NRXN1: variants seen among roughly 807,000 people sequenced by gnomAD.
NRXN1 encodes the protein neurexin-1.
A neutral mutation model predicts 150.9 loss-of-function variants in NRXN1; 39 were observed. That is an observed-to-expected ratio of 0.26 (90% CI 0.20 to 0.34). NRXN1 has a LOEUF of 0.34. Among genes scored for constraint, NRXN1 ranks in the 10% least tolerant of loss-of-function variants. NRXN1 has a pLI of 1.00. For missense variants in NRXN1, 1,815 were observed against 1,949.9 expected, an observed-to-expected ratio of 0.93 and a Z score of 1.30; for synonymous variants, 924 against 757.0, an observed-to-expected ratio of 1.22 and a Z score of -3.62.
At chr2:50,903,828 A>G (rs548663508) in intron 5 of NRXN1, among the ~76,000 whole-genome samples, 1 of 152,330 alleles carries the variant, frequency 6.6e-6, no homozygotes, top group East Asian at 1.9e-4. Flanking sequence ...TACTCATTTG[A>G]AATAATGAGA....
intron 17 of NRXN1, among the ~76,000 whole-genome samples, chr2:50,290,846 A>C (rs2072830501): frequency 6.6e-6 from 1 of 152,168 alleles, no homozygotes; most frequent in African/African-American, 2.4e-5. Context: ...TCTAGAAGGC[A>C]CTCTGCTGCA....
At chr2:50,096,278 C>T (rs1487768037) in intron 18 of NRXN1, among the ~76,000 whole-genome samples, 1 of 152,022 alleles carries the variant, frequency 6.6e-6, no homozygotes, top group Non-Finnish European at 1.5e-5. Context: ...ACATAAAGCA[C>T]AAAATACTAA....
intron 17 of NRXN1, among the ~76,000 whole-genome samples, chr2:50,308,624 G>GA (rs1203747906): frequency 1.3e-5 from 2 of 152,136 alleles, no homozygotes; most frequent in African/African-American, 4.8e-5. Flanking sequence ...AAGTCTTCAG[G>GA]AGTACAGGCT....
chr2:50,821,998 T>C (rs907298914), intron 5 of NRXN1, among the ~76,000 whole-genome samples: 1 of 152,150 alleles, frequency 6.6e-6, no homozygotes, highest in Admixed American at 6.6e-5. Context: ...CCAAATGTTT[T>C]GATAGGAAAA....
chr2:50,860,691 CCATTCATTCTA>C (rs1676001568), intron 5 of NRXN1, among the ~76,000 whole-genome samples: 1 of 152,030 alleles, frequency 6.6e-6, no homozygotes, highest in Non-Finnish European at 1.5e-5. Context: ...AGTCATGCAT[CCATTCATTCTA>C]CATTCACTGC....
rs776652096 is a variant in NRXN1 at position 50,497,719 on chromosome 2, A to C, written c.2498-5T>G. The stretch of plus-strand genomic sequence containing the variant: ...TATGATCACCTGCCATTTGACCTAA[A>C]AGAGAAGATAATATATGATTATTTT... On this transcript the variant is annotated splice_region_variant and splice_polypyrimidine_tract_variant and intron_variant, in intron 13 of 22. Transcript: ENST00000401669. 4.4e-6 allele frequency: 7 copies of C among 1,600,114 alleles called. No individual in the cohort carries two copies. The highest frequency in any genetic ancestry group is 6.0e-6 in the Non-Finnish European group (7 of 1,172,110).
chr2:50,415,832 T>TA (rs148020644), intron 17 of NRXN1, among the ~76,000 whole-genome samples: 3,833 of 147,470 alleles, frequency 0.026, 146 homozygotes, highest in African/African-American at 0.085. Context: ...TAAATTACAT[T>TA]AAAAAAAAAC....
chr2:50,800,310 C>T (rs1707412184), intron 5 of NRXN1, among the ~76,000 whole-genome samples: 1 of 152,176 alleles, frequency 6.6e-6, no homozygotes, highest in Non-Finnish European at 1.5e-5. Flanking sequence ...CTCAAATCAT[C>T]CTCTATTCAC....
intron 5 of NRXN1, among the ~76,000 whole-genome samples, chr2:50,750,065 G>A (rs1369396927): frequency 6.6e-6 from 1 of 152,032 alleles, no homozygotes; most frequent in Non-Finnish European, 1.5e-5. Flanking sequence ...AGTAAGATAT[G>A]CATAGACATT....
At chr2:50,578,002 T>C (rs1428033720) in intron 8 of NRXN1, among the ~76,000 whole-genome samples, 1 of 152,076 alleles carries the variant, frequency 6.6e-6, no homozygotes, top group Non-Finnish European at 1.5e-5. Context: ...GCTAGGAAAA[T>C]TGACATTCAG....
At chr2:50,235,205 T>C (rs192735976) in intron 18 of NRXN1, among the ~76,000 whole-genome samples, 47 of 152,218 alleles carry the variant, frequency 3.1e-4, no homozygotes, top group East Asian at 1.6e-3. Context: ...ACGGAGCAAA[T>C]ACATTTTGAA....
intron 18 of NRXN1, among the ~76,000 whole-genome samples, chr2:50,135,559 C>T (rs943072972): frequency 4.6e-5 from 7 of 152,082 alleles, no homozygotes; most frequent in Non-Finnish European, 7.4e-5. Context: ...GGCATGGTGG[C>T]GGGCGCCTGT....
intron 2 of NRXN1, among the ~76,000 whole-genome samples, chr2:50,966,395 T>C (rs936170324): frequency 6.6e-6 from 1 of 151,360 alleles, no homozygotes; most frequent in Non-Finnish European, 1.5e-5. Context: ...TCCTGTAGCC[T>C]GTAGGTCTGG....
At chr2:50,943,143 C>T (rs1413385718) in intron 2 of NRXN1, among the ~76,000 whole-genome samples, 1 of 152,058 alleles carries the variant, frequency 6.6e-6, no homozygotes, top group Non-Finnish European at 1.5e-5. Flanking sequence ...CCCTACTTCC[C>T]CTGCACCTTC....
intron 5 of NRXN1, among the ~76,000 whole-genome samples, chr2:50,668,654 A>G (rs1050052781): frequency 1.3e-5 from 2 of 152,002 alleles, no homozygotes; most frequent in African/African-American, 4.8e-5. Flanking sequence ...AATTACTTCA[A>G]TGTGTCATTC....
At chr2:50,748,211 C>T (rs1485633132) in intron 5 of NRXN1, among the ~76,000 whole-genome samples, 2 of 152,164 alleles carry the variant, frequency 1.3e-5, no homozygotes, top group African/African-American at 2.4e-5. Flanking sequence ...AAAGGCTGTA[C>T]TTTTACCCAG....
At chr2:50,599,491 TG>T (rs1205855633) in intron 8 of NRXN1, among the ~76,000 whole-genome samples, 1 of 152,228 alleles carries the variant, frequency 6.6e-6, no homozygotes, top group Non-Finnish European at 1.5e-5. Flanking sequence ...TAAATATTCT[TG>T]CCTTGAAAAT....
At chr2:50,055,737 T>C (rs772713293) in intron 19 of NRXN1, among the ~76,000 whole-genome samples, 22 of 152,216 alleles carry the variant, frequency 1.4e-4, no homozygotes, top group Non-Finnish European at 3.1e-4. Flanking sequence ...TTGAGTTTCA[T>C]TTAAAGCTTA....
intron 18 of NRXN1, among the ~76,000 whole-genome samples, chr2:50,197,442 T>A (rs186170926): frequency 6.6e-6 from 1 of 152,324 alleles, no homozygotes; most frequent in Non-Finnish European, 1.5e-5. Flanking sequence ...CTCGAAATGT[T>A]GATGAATCCG....
Sources: allele counts gnomAD v4.1 joint callset (sites outside exome capture counted in the v4.1 genomes callset), GRCh38; gene constraint gnomAD v4.1.1; transcripts MANE v1.5; gene names NCBI Gene and HGNC (gene_info 2026-07-23, HGNC 2026-07-21).